The following SIPA1L1 variants were observed in gnomAD, a reference collection of about 807,000 sequenced individuals.
The protein encoded by SIPA1L1 is signal induced proliferation associated 1 like 1.
In SIPA1L1, 26 loss-of-function variants were observed where a neutral mutation model predicts 162.7. That is an observed-to-expected ratio of 0.16 (90% CI 0.12 to 0.22). SIPA1L1 has a LOEUF of 0.22. SIPA1L1 is among the 10% of genes least tolerant of loss of function. The pLI is 1.00. For missense variants in SIPA1L1, 1,874 were observed against 2,241.0 expected, an observed-to-expected ratio of 0.84 and a Z score of 3.31; for synonymous variants, 829 against 837.4, an observed-to-expected ratio of 0.99 and a Z score of 0.17.
At chr14:71,596,424 G>A (rs944819794) in intron 5 of SIPA1L1, among the ~76,000 whole-genome samples, 8 of 152,110 alleles carry the variant, frequency 5.3e-5, no homozygotes, top group Admixed American at 2.6e-4. Context: ...TCTTGTGACC[G>A]AACTGGTTGC....
At chr14:71,348,314 A>G (rs1258610429) in intron 2 of SIPA1L1, among the ~76,000 whole-genome samples, 3 of 152,108 alleles carry the variant, frequency 2.0e-5, no homozygotes, top group African/African-American at 7.2e-5. Context: ...TTCTGTCACC[A>G]TTGATTAGTT....
At chr14:71,705,438 A>G in intron 16 of SIPA1L1, 98 bp downstream of exon 16, 1 of 907,446 alleles carries the variant, frequency 1.1e-6, no homozygotes, top group Non-Finnish European at 1.8e-6. Context: ...ATGGCCAAAG[A>G]GGAAATCATT....
chr14:71,493,125 C>A (rs1415929905), intron 2 of SIPA1L1, among the ~76,000 whole-genome samples: 1 of 152,108 alleles, frequency 6.6e-6, no homozygotes, highest in Non-Finnish European at 1.5e-5. Flanking sequence ...TGCTCTGTCA[C>A]CCAGGCTGGA....
At chr14:71,620,102 A>G (rs2039267997) in intron 6 of SIPA1L1, among the ~76,000 whole-genome samples, 1 of 152,062 alleles carries the variant, frequency 6.6e-6, no homozygotes, top group South Asian at 2.1e-4. Context: ...ACAGAGTTTC[A>G]CTCGTTACCC....
chr14:71,737,099 T>C (rs140156839), intron 22 of SIPA1L1, among the ~76,000 whole-genome samples: 35 of 152,284 alleles, frequency 2.3e-4, no homozygotes, highest in African/African-American at 7.7e-4. Context: ...CAGCTTTTCA[T>C]TGGCCTTCCT....
In SIPA1L1 at chr14:71,573,498, A is replaced by G. The variant is rs1191825356; in HGVS notation, c.-302-14073A>G. The G allele has an allele frequency of 1.6e-5, 7 of 449,838 alleles. No individual in the cohort carries two copies. The East Asian group carries it at 4.9e-4, about 32-fold the overall frequency. The allele number at this position is 449,838 out of a possible 1,614,324, so 27.9% of individuals were successfully genotyped here. ...TCTTTTGGGAACCAAGGATGTGGAG[A>G]AAGTTTGGGACCTCAAGAGAAAGAG... On this transcript the variant is annotated intron_variant, in intron 4 of 23. Coordinates refer to ENST00000381232, the MANE Select transcript of SIPA1L1 (RefSeq NM_001386936.1).
In SIPA1L1 at chr14:71,569,724, C is replaced by A. The variant is rs376992641; in HGVS notation, c.-302-17847C>A. On this transcript the variant is annotated intron_variant, in intron 4 of 23. Coordinates refer to ENST00000381232, the MANE Select transcript of SIPA1L1 (RefSeq NM_001386936.1). ...AAGGGAGGCCAGGTAGCCAAGACAA[C>A]ACTCGTTCCCACAAGTAGGCTGGTG... 1.3e-4 allele frequency among the ~76,000 whole-genome samples: 20 copies of A among 152,330 alleles called. No homozygotes were observed. In the South Asian group the frequency reaches 4.1e-3, roughly 32 times the overall value.
chr14:71,667,684 G>T (rs2044149446), intron 10 of SIPA1L1, among the ~76,000 whole-genome samples: 1 of 152,162 alleles, frequency 6.6e-6, no homozygotes, highest in Non-Finnish European at 1.5e-5. Flanking sequence ...TTGGGCTGGG[G>T]ATTGTTGATT....
intron 5 of SIPA1L1, among the ~76,000 whole-genome samples, chr14:71,598,680 A>G (rs1334739536): frequency 6.6e-6 from 1 of 152,196 alleles, no homozygotes; most frequent in Non-Finnish European, 1.5e-5. Flanking sequence ...GATTGCACAT[A>G]GTGGAAACAC....
intron 6 of SIPA1L1, among the ~76,000 whole-genome samples, chr14:71,622,140 T>G (rs1054763240): frequency 1.3e-5 from 2 of 152,178 alleles, no homozygotes; most frequent in African/African-American, 4.8e-5. Flanking sequence ...AAAGAAAACA[T>G]GACAGTGACA....
chr14:71,637,748 A>G, intron 7 of SIPA1L1, among the ~76,000 whole-genome samples: 1 of 152,068 alleles, frequency 6.6e-6, no homozygotes, highest in Admixed American at 6.6e-5. Context: ...ACTTTATCAT[A>G]GATTTTTAGG....
At chr14:71,367,373 C>T (rs2038408182) in intron 2 of SIPA1L1, among the ~76,000 whole-genome samples, 1 of 148,028 alleles carries the variant, frequency 6.8e-6, no homozygotes, top group African/African-American at 2.5e-5. Context: ...GTGGCGCGAT[C>T]TCTGCTCACT....
rs569857608 is a variant in SIPA1L1, at chr14:71,608,128, G to C, written c.1499-10629G>C. Among the ~76,000 whole-genome samples, 4 of 152,328 alleles carry C rather than the reference G, an allele frequency of 2.6e-5. No individual in the cohort carries two copies. The South Asian group carries it at 8.3e-4, about 32-fold the overall frequency. The stretch of plus-strand genomic sequence containing the variant: ...TAATGTGAGCATCAAGGCAATGAGA[G>C]GAGACATCTTCCTATTTGCATTCAA... On this transcript the variant is annotated intron_variant, in intron 5 of 23. Transcript: ENST00000381232.
At chr14:71,335,850 C>G (rs1196269733) in intron 2 of SIPA1L1, among the ~76,000 whole-genome samples, 2 of 152,318 alleles carry the variant, frequency 1.3e-5, no homozygotes, top group South Asian at 4.1e-4. Flanking sequence ...CTCTAAGAAA[C>G]TGAACCATAG....
chr14:71,502,255 A>AATATATATAT lies in SIPA1L1; in HGVS notation c.-464-10473_-464-10464dup, dbSNP rs60241101. Among the ~76,000 whole-genome samples the AATATATATAT allele has an allele frequency of 2.6e-4, 25 of 97,548 alleles. 1 individual carries two copies. The highest frequency in any genetic ancestry group is 7.2e-4 in the South Asian group (2 of 2,778). The allele number at this position is 97,548 out of a possible 152,430, so 64.0% of individuals were successfully genotyped here. ...TTTGAGATACTTGAAAAAAAAAAAA[A>AATATATATAT]ATATATATATATATATATATATATT... On this transcript the variant is annotated intron_variant, in intron 2 of 23. Transcript: ENST00000381232.
Position 71,515,427 on chromosome 14 carries a change from G to A in SIPA1L1, c.-362+2582G>A, listed in dbSNP as rs529967493. On this transcript the variant is annotated intron_variant, in intron 3 of 23. Coordinates refer to ENST00000381232, the MANE Select transcript of SIPA1L1 (RefSeq NM_001386936.1). ...TATAATTGCTTCTTACATAAGTAAA[G>A]ATGTCACCTCTACTTAAAATGAAAA... Among the ~76,000 whole-genome samples the A allele has an allele frequency of 6.7e-4, 102 of 152,252 alleles. 1 individual carries two copies. The highest frequency in any genetic ancestry group is 2.4e-3 in the African/African-American group (99 of 41,548).
At chr14:71,466,206 A>G (rs1013146422) in intron 2 of SIPA1L1, among the ~76,000 whole-genome samples, 4 of 152,294 alleles carry the variant, frequency 2.6e-5, no homozygotes, top group African/African-American at 4.8e-5. Flanking sequence ...TAATGCTACC[A>G]CCAAAGAGAG....
At chr14:71,638,941 A>C (rs980150392) in intron 7 of SIPA1L1, among the ~76,000 whole-genome samples, 1 of 152,212 alleles carries the variant, frequency 6.6e-6, no homozygotes, top group African/African-American at 2.4e-5. Context: ...GCCTGTGCCT[A>C]TAATCCCAGA....
chr14:71,620,647 T>G (rs2039333838), intron 6 of SIPA1L1, among the ~76,000 whole-genome samples: 1 of 152,194 alleles, frequency 6.6e-6, no homozygotes, highest in Non-Finnish European at 1.5e-5. Context: ...GTCACTGGTT[T>G]CCACGAGCTT....
Sources: gnomAD v4.1 joint callset for allele counts (sites outside exome capture counted in the v4.1 genomes callset) on GRCh38, gnomAD v4.1.1 for gene constraint, MANE v1.5 for transcripts, NCBI Gene and HGNC (gene_info 2026-07-23, HGNC 2026-07-21) for gene names.